GRIK3: variants seen among roughly 807,000 people sequenced by gnomAD.
GRIK3 encodes the protein glutamate receptor ionotropic, kainate 3.
Under a neutral mutation model 102.5 loss-of-function variants are expected in GRIK3, and 29 were observed. The observed-to-expected ratio is 0.28, with a 90% CI of 0.21 to 0.39. The LOEUF is 0.39. Ranked by LOEUF, GRIK3 falls within the 10% of genes least tolerant of loss-of-function variation. GRIK3 has a pLI of 1.00. For synonymous variants in GRIK3, 511 were observed against 504.9 expected (o/e 1.01, Z -0.16); for missense variants, 908 against 1,252.4 (o/e 0.73, Z 4.15).
At chr1:36,873,636 C>T (rs533652066) in intron 3 of GRIK3, among the ~76,000 whole-genome samples, 1 of 151,932 alleles carries the variant, frequency 6.6e-6, no homozygotes, top group Non-Finnish European at 1.5e-5. Flanking sequence ...GCATGTCCCA[C>T]CCCTGCCCCC....
chr1:37,033,600 G>C (rs2124098724), intron 1 of GRIK3, among the ~76,000 whole-genome samples: 1 of 152,346 alleles, frequency 6.6e-6, no homozygotes, highest in East Asian at 1.9e-4. Flanking sequence ...GGGCAGAGGA[G>C]AGAAGTTGGC....
At chr1:36,890,712 G>A (rs1641103435) in intron 2 of GRIK3, among the ~76,000 whole-genome samples, 1 of 152,152 alleles carries the variant, frequency 6.6e-6, no homozygotes, top group South Asian at 2.1e-4. Context: ...AGAAAATTGA[G>A]GCACAGGGTA....
At chr1:36,913,450 A>G (rs1310234751) in intron 1 of GRIK3, among the ~76,000 whole-genome samples, 1 of 152,214 alleles carries the variant, frequency 6.6e-6, no homozygotes, top group East Asian at 1.9e-4. Flanking sequence ...TCTGTTGTAA[A>G]TATCAATTGC....
At chr1:36,855,501 G>A (rs780356778) in intron 7 of GRIK3, among the ~76,000 whole-genome samples, 2 of 152,216 alleles carry the variant, frequency 1.3e-5, no homozygotes, top group Non-Finnish European at 2.9e-5. Flanking sequence ...GCAAACTCAG[G>A]CAGTGGGGCT....
At chr1:36,967,911 A>G (rs1275101298) in intron 1 of GRIK3, among the ~76,000 whole-genome samples, 1 of 152,244 alleles carries the variant, frequency 6.6e-6, no homozygotes, top group Non-Finnish European at 1.5e-5. Context: ...GATAATAATG[A>G]CATACTTTGC....
intron 15 of GRIK3, chr1:36,804,774 G>T: frequency 1.6e-6 from 1 of 606,306 alleles, no homozygotes; most frequent in South Asian, 2.1e-5. Flanking sequence ...GGCAGGAGGT[G>T]ATGGGGCTTG....
intron 1 of GRIK3, among the ~76,000 whole-genome samples, chr1:37,014,176 A>G (rs1642627866): frequency 2.0e-5 from 3 of 152,272 alleles, no homozygotes; most frequent in Non-Finnish European, 1.5e-5. Context: ...TGCTGTAATT[A>G]AGAACTATGC....
chr1:36,992,739 A>C (rs1461270369), intron 1 of GRIK3, among the ~76,000 whole-genome samples: 1 of 152,178 alleles, frequency 6.6e-6, no homozygotes, highest in Non-Finnish European at 1.5e-5. Flanking sequence ...TGGAGTGCTG[A>C]CTCAGCATCC....
At chr1:36,970,364 T>A in intron 1 of GRIK3, among the ~76,000 whole-genome samples, 1 of 152,020 alleles carries the variant, frequency 6.6e-6, no homozygotes, top group Non-Finnish European at 1.5e-5. Context: ...AACACCGGAG[T>A]CTGATATCGG....
intron 7 of GRIK3, among the ~76,000 whole-genome samples, chr1:36,858,065 CT>C (rs1448576239): frequency 3.3e-5 from 5 of 152,344 alleles, no homozygotes; most frequent in African/African-American, 1.2e-4. Context: ...TTTGTCCTTT[CT>C]ATCCCGAGTC....
chr1:36,980,611 T>A (rs1642239374), intron 1 of GRIK3, among the ~76,000 whole-genome samples: 1 of 151,948 alleles, frequency 6.6e-6, no homozygotes, highest in Admixed American at 6.6e-5. Context: ...AACAGGCACC[T>A]GGGATGCTGC....
At chr1:36,951,174 G>A (rs371511348) in intron 1 of GRIK3, among the ~76,000 whole-genome samples, 23 of 152,308 alleles carry the variant, frequency 1.5e-4, no homozygotes, top group African/African-American at 5.5e-4. Context: ...TTACAGCAGG[G>A]GGCTGGACAT....
intron 1 of GRIK3, among the ~76,000 whole-genome samples, chr1:36,996,508 C>A (rs968357285): frequency 2.0e-5 from 3 of 152,206 alleles, no homozygotes; most frequent in Non-Finnish European, 4.4e-5. Flanking sequence ...GGGCAGCTGA[C>A]CTGCAGGTCC....
intron 1 of GRIK3, among the ~76,000 whole-genome samples, chr1:37,005,734 T>C (rs1401331230): frequency 1.3e-5 from 2 of 152,212 alleles, no homozygotes; most frequent in East Asian, 1.9e-4. Flanking sequence ...CAAATATTAA[T>C]TGAGCACCTA....
At chr1:36,940,391 A>G (rs1417209073) in intron 1 of GRIK3, among the ~76,000 whole-genome samples, 1 of 152,230 alleles carries the variant, frequency 6.6e-6, no homozygotes, top group Non-Finnish European at 1.5e-5. Context: ...GATCAGAGTA[A>G]TCATATGTCT....
chr1:37,033,633 T>C (rs959403646), intron 1 of GRIK3, among the ~76,000 whole-genome samples: 9 of 152,168 alleles, frequency 5.9e-5, no homozygotes, highest in Admixed American at 2.6e-4. Flanking sequence ...GTCCCCACTC[T>C]GCGGAGAAGC....
intron 8 of GRIK3, among the ~76,000 whole-genome samples, chr1:36,852,182 T>C (rs921040569): frequency 6.6e-6 from 1 of 152,126 alleles, no homozygotes; most frequent in Non-Finnish European, 1.5e-5. Flanking sequence ...TGATGCTATA[T>C]ATGGTGTGAA....
intron 10 of GRIK3, among the ~76,000 whole-genome samples, chr1:36,832,557 G>C (rs1386246534): frequency 2.6e-5 from 4 of 152,192 alleles, no homozygotes; most frequent in South Asian, 4.1e-4. Context: ...AGTGTCAACC[G>C]ATGGGTCAAC....
At chr1:36,960,962 T>G (rs1027370235) in intron 1 of GRIK3, among the ~76,000 whole-genome samples, 3 of 152,144 alleles carry the variant, frequency 2.0e-5, no homozygotes, top group Non-Finnish European at 2.9e-5. Context: ...GCACAACACA[T>G]AGGTCACCAC....
Sources: gnomAD v4.1 joint callset for allele counts (sites outside exome capture counted in the v4.1 genomes callset) on GRCh38, gnomAD v4.1.1 for gene constraint, MANE v1.5 for transcripts, NCBI Gene and HGNC (gene_info 2026-07-23, HGNC 2026-07-21) for gene names.